OSBPL3: variants seen among roughly 807,000 people sequenced by gnomAD.
The protein encoded by OSBPL3 is oxysterol binding protein like 3.
OSBPL3 carries 65 observed loss-of-function variants against 120.1 expected under a neutral mutation model. The ratio of observed to expected loss-of-function variants is 0.54; its 90% CI spans 0.44 to 0.67. OSBPL3 has a LOEUF of 0.67. Among genes scored for constraint, OSBPL3 ranks in the 30% least tolerant of loss-of-function variants. OSBPL3 has a pLI of 0.00. For synonymous variants in OSBPL3, 416 were observed against 402.6 expected, an observed-to-expected ratio of 1.03 and a Z score of -0.40; for missense variants, 1,004 against 1,082.1, an observed-to-expected ratio of 0.93 and a Z score of 1.01.
At chr7:24,888,812 A>T (rs1287702797) in intron 2 of OSBPL3, among the ~76,000 whole-genome samples, 3 of 152,222 alleles carry the variant, frequency 2.0e-5, no homozygotes, top group African/African-American at 7.2e-5. Context: ...AGAAACAAGG[A>T]CAAGAGAAAA....
intron 5 of OSBPL3, 100 bp downstream of exon 5, chr7:24,870,632 T>A: frequency 1.3e-6 from 1 of 743,438 alleles, no homozygotes; most frequent in Non-Finnish European, 2.5e-6. Flanking sequence ...GAAGGTCTTC[T>A]ACATGTTGGC....
intron 1 of OSBPL3, 119 bp from the exon 2 acceptor site, chr7:24,892,740 T>A: frequency 1.7e-6 from 1 of 590,490 alleles, no homozygotes; most frequent in Non-Finnish European, 2.4e-6. Context: ...TGTTTAGCTA[T>A]AGCAGGCGCC....
chr7:24,940,802 T>G lies in OSBPL3; in HGVS notation c.-150+39084A>C, dbSNP rs1221870265. 6.9e-6 allele frequency among the ~76,000 whole-genome samples: 1 copy of G among 144,014 alleles called. No homozygotes were observed. Among genetic ancestry groups the G allele is most frequent in the Non-Finnish European group, 1.5e-5 (1 of 67,236 alleles). 94.5% of individuals were successfully genotyped at this position (144,014 alleles called of 152,430 possible). On this transcript the variant is annotated intron_variant, in intron 1 of 22. Coordinates refer to ENST00000313367, the MANE Select transcript of OSBPL3 (RefSeq NM_015550.4). This position sits in a 1 kb window ranked among gnomAD's most constrained non-coding sequence, Gnocchi z 4.4. ...ACTTCCCACATCGCTCTTCTTAACA[T>G]TTCTTCCTTTTTTTTCTTTTTTTTT...
chr7:24,918,720 T>C lies in OSBPL3; in HGVS notation c.-149-26099A>G, dbSNP rs1021251685. ...AAGGCAGTGAACTTAGTCTGAAACA[T>C]TATACAAATATCACAGCATAGACTA... is the stretch of plus-strand genomic sequence containing the variant. On this transcript the variant is annotated intron_variant, in intron 1 of 22. Transcript: ENST00000313367. This position sits in a 1 kb window ranked among gnomAD's most constrained non-coding sequence, Gnocchi z 4.3. 7.2e-5 allele frequency among the ~76,000 whole-genome samples: 11 copies of C among 152,188 alleles called. No individual in the cohort carries two copies. Among genetic ancestry groups the C allele is most frequent in the Non-Finnish European group, 1.2e-4 (8 of 68,022 alleles).
Position 24,956,252 on chromosome 7 carries a change from A to T in OSBPL3, c.-150+23634T>A, listed in dbSNP as rs564908150. ...TGCCCCAGGGCAAAGCCTGCCCCTG[A>T]CTCAGCCTCAAAGGTGCCAACTGGC... On this transcript the variant is annotated intron_variant, in intron 1 of 22. Transcript: ENST00000313367. Among the ~76,000 whole-genome samples, 27 of 152,360 alleles carry T rather than the reference A, an allele frequency of 1.8e-4. No homozygotes were observed. The South Asian group carries it at 2.5e-3, about 14-fold the overall frequency.
In OSBPL3 at chr7:24,899,742, T is replaced by G. The variant is rs1383239176; in HGVS notation, c.-149-7121A>C. Reference sequence around the variant, plus strand: ...ACAAATGCATACAACCCACTATAAATGCCCATAACTATACAATCACCTACA... The same window carrying G: ...ACAAATGCATACAACCCACTATAAAGGCCCATAACTATACAATCACCTACA... On this transcript the variant is annotated intron_variant, in intron 1 of 22. Coordinates refer to ENST00000313367, the MANE Select transcript of OSBPL3 (RefSeq NM_015550.4). This position sits in a 1 kb window ranked among gnomAD's most constrained non-coding sequence, Gnocchi z 4.0. Among the ~76,000 whole-genome samples the G allele has an allele frequency of 2.0e-5, 3 of 152,204 alleles. No individual in the cohort carries two copies. The highest frequency in any genetic ancestry group is 7.2e-5 in the African/African-American group (3 of 41,460).
rs757264002 is a variant in OSBPL3 at position 24,866,192 on chromosome 7, G to A, written c.427C>T (p.His143Tyr). The change falls in exon 6 of 23, where the codon CAC (histidine) becomes TAC (tyrosine). Residue 143 changes from histidine to tyrosine, a missense_variant. By Grantham distance (83) the His-to-Tyr change is moderately conservative. Around this residue, in one of 4 missense-constraint regions of OSBPL3, gnomAD observed 255 missense variants for 248.7 expected, o/e 1.03. Transcript: ENST00000313367. ...TCATTCTGACGATACATTCTGTGGTGGCGAAGTTTCGATACCCACTCATCA... is the reference window on the plus strand; with the variant it reads ...TCATTCTGACGATACATTCTGTGGTAGCGAAGTTTCGATACCCACTCATCA... ...VFDEWVSKLRHHRMYRQNEIA... is the reference protein window; with the variant it reads ...VFDEWVSKLRYHRMYRQNEIA... 2 of 1,612,854 alleles carry A rather than the reference G, an allele frequency of 1.2e-6. No homozygotes were observed. Among genetic ancestry groups the A allele is most frequent in the Non-Finnish European group, 1.7e-6 (2 of 1,178,866 alleles).
chr7:24,972,630 G>A lies in OSBPL3; in HGVS notation c.-150+7256C>T, dbSNP rs189652393. Among the ~76,000 whole-genome samples the A allele has an allele frequency of 6.3e-4, 96 of 152,270 alleles. 2 individuals carry two copies. The South Asian group carries it at 0.012, about 19-fold the overall frequency. On this transcript the variant is annotated intron_variant, in intron 1 of 22. Transcript: ENST00000313367. This position sits in a 1 kb window ranked among gnomAD's most constrained non-coding sequence, Gnocchi z 4.3. ...CTTAATAAATATTTGTGAAACGTAT[G>A]AGCAAAAATCTTAGCGCATGCTTTA...
At chr7:24,895,415 GGCTCTGCT>G (rs1473579054) in intron 1 of OSBPL3, among the ~76,000 whole-genome samples, 1 of 152,194 alleles carries the variant, frequency 6.6e-6, no homozygotes, top group African/African-American at 2.4e-5. Context: ...GTGTGTAGCA[GGCTCTGCT>G]ATTCAGGTTT....
Position 24,852,852 on chromosome 7 carries a change from T to C in OSBPL3, c.1028-218A>G, listed in dbSNP as rs546106747. Among the ~76,000 whole-genome samples, 1 of 152,254 alleles carries C rather than the reference T, an allele frequency of 6.6e-6. No homozygotes were observed. The highest frequency in any genetic ancestry group is 2.4e-5 in the African/African-American group (1 of 41,544). ...GCCTCTGGATGATGATGTGTCCACG[T>C]AGGTTCATTGACTGTAAGAGATGCA... is the stretch of plus-strand genomic sequence containing the variant. On this transcript the variant is annotated intron_variant, in intron 10 of 22. Transcript: ENST00000313367. The surrounding 1 kb of genome is among the most constrained non-coding windows in gnomAD (Gnocchi z 4.1).
At chr7:24,801,256 A>AAG (rs1249405779) in intron 22 of OSBPL3, among the ~76,000 whole-genome samples, 2 of 151,814 alleles carry the variant, frequency 1.3e-5, no homozygotes, top group African/African-American at 4.8e-5. Flanking sequence ...AAAAAAAAAA[A>AAG]AAAAAAAAAG....
chr7:24,968,315 A>C lies in OSBPL3; in HGVS notation c.-150+11571T>G, dbSNP rs1816615097. 2.0e-5 allele frequency among the ~76,000 whole-genome samples: 3 copies of C among 152,312 alleles called. 1 individual carries two copies. The highest frequency in any genetic ancestry group is 6.8e-3 in the Middle Eastern group (2 of 294). The stretch of plus-strand genomic sequence containing the variant: ...CCACTGTGGCTGGCTTCAAACTACC[A>C]ACATGAAGTAATCAGCCAAGGGCTT... On this transcript the variant is annotated intron_variant, in intron 1 of 22. Coordinates refer to ENST00000313367, the MANE Select transcript of OSBPL3 (RefSeq NM_015550.4). The surrounding 1 kb of genome is among the most constrained non-coding windows in gnomAD (Gnocchi z 4.6).
intron 9 of OSBPL3, 115 bp from the exon 10 acceptor site, chr7:24,861,884 CTTTT>C (rs11324094): frequency 2.6e-3 from 782 of 299,150 alleles, no homozygotes; most frequent in South Asian, 6.3e-3. Flanking sequence ...ATAGGTAGGT[CTTTT>C]TTTTTTTTTT....
intron 1 of OSBPL3, chr7:24,906,741 A>G (rs185074083): frequency 6.6e-6 from 1 of 152,438 alleles, no homozygotes; most frequent in Admixed American, 6.5e-5. Flanking sequence ...TCTTAACTTT[A>G]AAGTGTTGCT....
intron 19 of OSBPL3, among the ~76,000 whole-genome samples, chr7:24,812,239 G>A (rs537186687): frequency 6.6e-6 from 1 of 150,748 alleles, no homozygotes; most frequent in East Asian, 1.9e-4. Context: ...CCCGGGAGGC[G>A]GAAGTTGCTG....
rs1396683418 is a variant in OSBPL3, at chr7:24,933,780, G to C, written c.-149-41159C>G. On this transcript the variant is annotated intron_variant, in intron 1 of 22. Transcript: ENST00000313367. This position sits in a 1 kb window ranked among gnomAD's most constrained non-coding sequence, Gnocchi z 5.1. Reference sequence around the variant, plus strand: ...AGTTATGAGAAAAGCAAACCAATGGGTAATTCCCAAAGTTACTATCTGCTT... The same window carrying C: ...AGTTATGAGAAAAGCAAACCAATGGCTAATTCCCAAAGTTACTATCTGCTT... Among the ~76,000 whole-genome samples the C allele has an allele frequency of 6.6e-6, 1 of 152,158 alleles. No individual in the cohort carries two copies. Among genetic ancestry groups the C allele is most frequent in the Non-Finnish European group, 1.5e-5 (1 of 68,026 alleles).
At chr7:24,962,406 G>C in intron 1 of OSBPL3, among the ~76,000 whole-genome samples, 1 of 124,932 alleles carries the variant, frequency 8.0e-6, no homozygotes, top group African/African-American at 2.9e-5. Flanking sequence ...GGGGAGGGCA[G>C]AAGGGAGGGG....
chr7:24,888,562 T>C (rs77488790), intron 2 of OSBPL3, among the ~76,000 whole-genome samples: 2,707 of 152,272 alleles, frequency 0.018, 80 homozygotes, highest in African/African-American at 0.061. Flanking sequence ...GTATTTAAGT[T>C]AAAAGATGAT....
At chr7:24,975,861 A>G (rs1817532700) in intron 1 of OSBPL3, among the ~76,000 whole-genome samples, 1 of 152,234 alleles carries the variant, frequency 6.6e-6, no homozygotes, top group African/African-American at 2.4e-5. Flanking sequence ...TTATGAGTTC[A>G]GCTTTGAAAG....
Sources: allele counts gnomAD v4.1 joint callset (sites outside exome capture counted in the v4.1 genomes callset), GRCh38; gene constraint gnomAD v4.1.1; regional missense constraint gnomAD v4.1.1; non-coding constraint Gnocchi (gnomAD v3.1); transcripts MANE v1.5; gene names NCBI Gene and HGNC (gene_info 2026-07-23, HGNC 2026-07-21).